The following NAALADL2 variants were observed in gnomAD, a reference collection of about 807,000 sequenced individuals.
NAALADL2 encodes the protein inactive N-acetylated-alpha-linked acidic dipeptidase-like protein 2.
NAALADL2 carries 76 observed loss-of-function variants against 87.2 expected under a neutral mutation model. The ratio of observed to expected loss-of-function variants is 0.87; its 90% CI spans 0.72 to 1.05. NAALADL2 has a LOEUF of 1.05. NAALADL2 is among the 50% of genes least tolerant of loss of function. NAALADL2 has a pLI of 0.00. For synonymous variants in NAALADL2, 354 were observed against 331.0 expected (o/e 1.07, Z -0.75); for missense variants, 1,089 against 945.8 (o/e 1.15, Z -1.99).
In NAALADL2 at chr3:175,181,703, A is replaced by ATG. The variant is rs1553802433; in HGVS notation, c.546-52214_546-52213dup. 3.9e-3 allele frequency among the ~76,000 whole-genome samples: 422 copies of ATG among 106,868 alleles called. 29 individuals are homozygous for ATG. Among genetic ancestry groups the ATG allele is most frequent in the Non-Finnish European group, 5.3e-3 (285 of 54,174 alleles). 70.1% of individuals were successfully genotyped at this position (106,868 alleles called of 152,430 possible). A position where few individuals can be genotyped will look rare whatever the true frequency, so the allele number is the denominator to read the frequency against. On this transcript the variant is annotated intron_variant, in intron 2 of 13. Transcript: ENST00000454872. The stretch of plus-strand genomic sequence containing the variant: ...CATATATATATATATATATATATAT[A>ATG]TGTGTGTGTGTGTGTATATATATGT...
chr3:174,552,248 C>T (rs1578150167), intron 2 of NAALADL2, among the ~76,000 whole-genome samples: 1 of 152,222 alleles, frequency 6.6e-6, no homozygotes, highest in African/African-American at 2.4e-5. Context: ...TTATTGTTGG[C>T]ATCTCCTATA....
At chr3:174,784,864 C>G (rs2109165566) in intron 3 of NAALADL2, among the ~76,000 whole-genome samples, 1 of 152,244 alleles carries the variant, frequency 6.6e-6, no homozygotes, top group East Asian at 1.9e-4. Flanking sequence ...TATTTATACA[C>G]TTCCTTGAAG....
chr3:175,766,041 T>C (rs913988421), intron 13 of NAALADL2, among the ~76,000 whole-genome samples: 4 of 152,250 alleles, frequency 2.6e-5, no homozygotes, highest in African/African-American at 7.2e-5. Flanking sequence ...AATGAGATTA[T>C]AGTGTTAATA....
intron 4 of NAALADL2, among the ~76,000 whole-genome samples, chr3:175,267,189 C>G (rs1266474771): frequency 3.3e-5 from 5 of 151,904 alleles, no homozygotes; most frequent in African/African-American, 1.2e-4. Context: ...AGGTTATAGG[C>G]AAAACATATA....
chr3:175,256,555 T>C, intron 4 of NAALADL2, 25 bp downstream of exon 4: 1 of 1,601,650 alleles, frequency 6.2e-7, no homozygotes, highest in Non-Finnish European at 8.5e-7. Context: ...TGTTATTCAG[T>C]GGTTTGGTCA....
At chr3:174,762,159 T>C (rs966941608) in intron 3 of NAALADL2, among the ~76,000 whole-genome samples, 23 of 150,548 alleles carry the variant, frequency 1.5e-4, no homozygotes, top group Non-Finnish European at 3.0e-4. Flanking sequence ...CTATACGTTT[T>C]CTTGCTTTTT....
chr3:174,617,973 G>A (rs1265891107), intron 2 of NAALADL2, among the ~76,000 whole-genome samples: 1 of 151,748 alleles, frequency 6.6e-6, no homozygotes, highest in East Asian at 1.9e-4. Flanking sequence ...CTTCACTGAG[G>A]TTAAAAGAAG....
At chr3:175,464,418 C>A (rs866577293) in intron 7 of NAALADL2, among the ~76,000 whole-genome samples, 22 of 132,142 alleles carry the variant, frequency 1.7e-4, no homozygotes, top group Middle Eastern at 8.1e-3. Context: ...AGAGAGACTC[C>A]ATCTCAAAAA....
At chr3:174,888,195 G>C (rs1397129358) in intron 1 of NAALADL2, among the ~76,000 whole-genome samples, 1 of 152,174 alleles carries the variant, frequency 6.6e-6, no homozygotes, top group Non-Finnish European at 1.5e-5. Context: ...TCAGAGTCTA[G>C]AATGTTATCA....
At chr3:175,033,960 C>T (rs1042641868) in intron 1 of NAALADL2, among the ~76,000 whole-genome samples, 9 of 152,134 alleles carry the variant, frequency 5.9e-5, no homozygotes, top group Non-Finnish European at 7.4e-5. Context: ...TAAAGCAAAA[C>T]GTATGAAGCC....
intron 1 of NAALADL2, among the ~76,000 whole-genome samples, chr3:174,982,449 G>A (rs1385272273): frequency 6.6e-6 from 1 of 151,978 alleles, no homozygotes; most frequent in African/African-American, 2.4e-5. Flanking sequence ...TGAAGATTTT[G>A]CCACTATGAG....
At chr3:175,264,517 T>G (rs888728482) in intron 4 of NAALADL2, among the ~76,000 whole-genome samples, 3 of 151,818 alleles carry the variant, frequency 2.0e-5, no homozygotes, top group African/African-American at 7.2e-5. Context: ...CTCTCAAGAC[T>G]GCACCTTTGT....
At chr3:174,834,437 A>G (rs946064956) in intron 3 of NAALADL2, among the ~76,000 whole-genome samples, 33 of 151,678 alleles carry the variant, frequency 2.2e-4, no homozygotes, top group Middle Eastern at 3.4e-3. Flanking sequence ...TAACGTTGTA[A>G]TGGACATTCT....
intron 1 of NAALADL2, among the ~76,000 whole-genome samples, chr3:174,883,891 C>T (rs1729736758): frequency 6.6e-6 from 1 of 152,080 alleles, no homozygotes; most frequent in African/African-American, 2.4e-5. Context: ...ACTAAGAGAC[C>T]CCCTAATGGG....
At chr3:175,624,761 A>G (rs928728930) in intron 10 of NAALADL2, among the ~76,000 whole-genome samples, 1 of 152,032 alleles carries the variant, frequency 6.6e-6, no homozygotes. Context: ...GATGTATTTT[A>G]TTGGCATATA....
intron 2 of NAALADL2, among the ~76,000 whole-genome samples, chr3:175,140,380 G>A (rs1729819022): frequency 6.6e-6 from 1 of 152,088 alleles, no homozygotes; most frequent in Non-Finnish European, 1.5e-5. Flanking sequence ...AGAGCTTATA[G>A]TCTTCTGGGA....
intron 1 of NAALADL2, among the ~76,000 whole-genome samples, chr3:174,914,653 TCA>T (rs1242050934): frequency 6.6e-6 from 1 of 152,290 alleles, no homozygotes; most frequent in African/African-American, 2.4e-5. Context: ...TTCTCAATAA[TCA>T]CAGACATTTA....
chr3:174,917,879 C>T (rs1051448032), intron 1 of NAALADL2, among the ~76,000 whole-genome samples: 1 of 151,912 alleles, frequency 6.6e-6, no homozygotes, highest in East Asian at 1.9e-4. Flanking sequence ...TAATTTTCGT[C>T]ATAATTTTCT....
chr3:174,868,812 CTTAAA>C (rs1394722725), intron 1 of NAALADL2, among the ~76,000 whole-genome samples: 2 of 151,812 alleles, frequency 1.3e-5, no homozygotes, highest in Non-Finnish European at 2.9e-5. Context: ...ATGTCTAGGA[CTTAAA>C]TTGAAAAATT....
Sources: allele counts gnomAD v4.1 joint callset (sites outside exome capture counted in the v4.1 genomes callset), GRCh38; gene constraint gnomAD v4.1.1; transcripts MANE v1.5; gene names NCBI Gene and HGNC (gene_info 2026-07-23, HGNC 2026-07-21).